Variants in PLD5 observed in about 807,000 individuals in gnomAD.
PLD5 encodes the protein phospholipase D family member 5, also known as inactive phospholipase D5.
A neutral mutation model predicts 61.1 loss-of-function variants in PLD5; 36 were observed. The observed-to-expected ratio is 0.59, with a 90% CI of 0.45 to 0.78. The LOEUF (loss-of-function observed/expected upper bound fraction) is 0.78, where lower values mean the gene tolerates loss of function less well. Ranked by LOEUF, PLD5 falls within the 30% of genes least tolerant of loss-of-function variation. The pLI, the probability that PLD5 is intolerant of heterozygous loss-of-function variation, is 0.00. For missense variants in PLD5, 515 were observed against 644.4 expected (o/e 0.80, Z 2.17); for synonymous variants, 243 against 242.8 (o/e 1.00, Z -0.01).
chr1:242,244,648 A>G (rs1672257799), intron 4 of PLD5, among the ~76,000 whole-genome samples: 1 of 152,222 alleles, frequency 6.6e-6, no homozygotes, highest in African/African-American at 2.4e-5. Flanking sequence ...GTTGGAAGAG[A>G]GTGTTGCTTC....
chr1:242,161,728 G>A (rs1665845585), intron 5 of PLD5, among the ~76,000 whole-genome samples: 1 of 152,138 alleles, frequency 6.6e-6, no homozygotes, highest in African/African-American at 2.4e-5. Flanking sequence ...TGGTGGTGAA[G>A]ATCTCGTCCA....
intron 5 of PLD5, among the ~76,000 whole-genome samples, chr1:242,189,087 G>A (rs186250827): frequency 3.4e-4 from 52 of 152,314 alleles, no homozygotes; most frequent in East Asian, 5.8e-4. Context: ...AGAGAAGGGA[G>A]CATAACTGGT....
upstream of PLD5, among the ~76,000 whole-genome samples, chr1:242,526,406 A>T (rs1669448123): frequency 6.6e-6 from 1 of 151,964 alleles, no homozygotes; most frequent in Non-Finnish European, 1.5e-5. Flanking sequence ...TATACATTCC[A>T]TTGTATAGCA....
intron 5 of PLD5, among the ~76,000 whole-genome samples, chr1:242,125,554 T>A (rs923062462): frequency 1.3e-5 from 2 of 152,198 alleles, no homozygotes; most frequent in Non-Finnish European, 2.9e-5. Flanking sequence ...AAATTACAGA[T>A]GATTTTTAAT....
intron 1 of PLD5, among the ~76,000 whole-genome samples, chr1:242,488,837 AG>A (rs1668048701): frequency 6.6e-6 from 1 of 152,168 alleles, no homozygotes; most frequent in Non-Finnish European, 1.5e-5. Flanking sequence ...GGAAGGGATG[AG>A]GGAGTATTTG....
chr1:242,271,231 G>C (rs1283930942), intron 3 of PLD5, among the ~76,000 whole-genome samples: 2 of 139,368 alleles, frequency 1.4e-5, no homozygotes, highest in Admixed American at 7.2e-5. Context: ...GAGAGAGAGA[G>C]AGAGAGAGAG....
At chr1:242,318,549 C>T (rs1352925574) in intron 2 of PLD5, among the ~76,000 whole-genome samples, 11 of 152,266 alleles carry the variant, frequency 7.2e-5, no homozygotes, top group South Asian at 2.1e-4. Flanking sequence ...GGAACCATCT[C>T]GTACCTTGTG....
intron 1 of PLD5, among the ~76,000 whole-genome samples, chr1:242,378,035 G>A (rs1021203955): frequency 8.5e-5 from 13 of 152,110 alleles, no homozygotes; most frequent in African/African-American, 2.9e-4. Flanking sequence ...AAAAAGAATG[G>A]AAAGCAGGGA....
intron 1 of PLD5, among the ~76,000 whole-genome samples, chr1:242,401,053 G>A (rs943277001): frequency 1.2e-4 from 18 of 151,980 alleles, no homozygotes; most frequent in African/African-American, 4.4e-4. Context: ...GCAAACACAT[G>A]GGCAAAGCAC....
At chr1:242,265,543 G>A (rs71498843) in intron 3 of PLD5, 95 bp from the exon 4 acceptor site, 34 of 1,072,738 alleles carry the variant, frequency 3.2e-5, no homozygotes, top group Non-Finnish European at 3.8e-5. Flanking sequence ...TAATCTATTC[G>A]TTCAAATGTT....
intron 1 of PLD5, among the ~76,000 whole-genome samples, chr1:242,418,620 G>C (rs1291885591): frequency 1.3e-5 from 2 of 152,150 alleles, no homozygotes; most frequent in African/African-American, 4.8e-5. Context: ...CTGGGAAGAG[G>C]GGCTGACCTA....
chr1:242,276,912 C>T (rs1371115589), intron 3 of PLD5, among the ~76,000 whole-genome samples: 2 of 152,034 alleles, frequency 1.3e-5, no homozygotes, highest in Non-Finnish European at 2.9e-5. Context: ...AATGATGCAC[C>T]CTGTGGGCAT....
intron 5 of PLD5, among the ~76,000 whole-genome samples, chr1:242,194,884 G>C (rs866425966): frequency 6.6e-6 from 1 of 152,084 alleles, no homozygotes; most frequent in Non-Finnish European, 1.5e-5. Context: ...AGGAAAGGGA[G>C]GGAAGCGGGT....
intron 1 of PLD5, among the ~76,000 whole-genome samples, chr1:242,362,395 T>C (rs953640578): frequency 9.8e-5 from 15 of 152,350 alleles, no homozygotes; most frequent in African/African-American, 3.6e-4. Context: ...TTTTGATTTC[T>C]TCATTTTCTA....
At chr1:242,124,701 G>A (rs1227144860) in intron 5 of PLD5, 36 bp from the exon 6 acceptor site, 7 of 1,522,018 alleles carry the variant, frequency 4.6e-6, no homozygotes, top group South Asian at 1.2e-5. Context: ...AATGCCATGT[G>A]TGTCTTTTGG....
At chr1:242,481,732 T>C (rs1667784313) in intron 1 of PLD5, among the ~76,000 whole-genome samples, 1 of 152,204 alleles carries the variant, frequency 6.6e-6, no homozygotes, top group Non-Finnish European at 1.5e-5. Flanking sequence ...AGCACAGAGC[T>C]TGAGATCTGA....
At chr1:242,518,459 G>A (rs901647292) in intron 1 of PLD5, among the ~76,000 whole-genome samples, 4 of 152,132 alleles carry the variant, frequency 2.6e-5, no homozygotes, top group Non-Finnish European at 5.9e-5. Context: ...CAGACTCCAC[G>A]TCTGTCTAAC....
chr1:242,290,780 GCAAAACCAA>G (rs1675312714), intron 2 of PLD5, among the ~76,000 whole-genome samples: 1 of 151,060 alleles, frequency 6.6e-6, no homozygotes, highest in Non-Finnish European at 1.5e-5. Flanking sequence ...AGATTTTCTT[GCAAAACCAA>G]CATATTGTCT....
chr1:242,279,153 C>T (rs529213980), intron 3 of PLD5, among the ~76,000 whole-genome samples: 1 of 152,362 alleles, frequency 6.6e-6, no homozygotes, highest in East Asian at 1.9e-4. Context: ...CAAGCTGCTA[C>T]TCATTTACAT....
Sources: gnomAD v4.1 joint callset for allele counts (sites outside exome capture counted in the v4.1 genomes callset) on GRCh38, gnomAD v4.1.1 for gene constraint, MANE v1.5 for transcripts, NCBI Gene and HGNC (gene_info 2026-07-23, HGNC 2026-07-21) for gene names.